Variants in PLCH1 observed in about 807,000 individuals in gnomAD.
The protein encoded by PLCH1 is phospholipase C eta 1, also known as 1-phosphatidylinositol 4,5-bisphosphate phosphodiesterase eta-1.
PLCH1 carries 60 observed loss-of-function variants against 126.7 expected under a neutral mutation model. The observed-to-expected ratio is 0.47, with a 90% confidence interval of 0.38 to 0.59. The LOEUF (loss-of-function observed/expected upper bound fraction) is 0.59, where lower values mean the gene tolerates loss of function less well. PLCH1 is among the 20% of genes least tolerant of loss of function. The pLI is 0.00. For synonymous variants in PLCH1, 719 were observed against 734.9 expected (o/e 0.98, Z 0.35); for missense variants, 1,723 against 2,040.0 (o/e 0.84, Z 2.99).
chr3:155,523,304 C>A (rs1721445096), intron 11 of PLCH1, among the ~76,000 whole-genome samples: 1 of 151,702 alleles, frequency 6.6e-6, no homozygotes, highest in Non-Finnish European at 1.5e-5. Flanking sequence ...AAAGGAGGCT[C>A]CTTCATCTAG....
intron 2 of PLCH1, among the ~76,000 whole-genome samples, chr3:155,698,284 T>A (rs1745987360): frequency 6.6e-6 from 1 of 152,160 alleles, no homozygotes; most frequent in South Asian, 2.1e-4. Flanking sequence ...AAAATATAAA[T>A]AAATAGCATT....
chr3:155,688,791 A>C (rs1196685432), intron 2 of PLCH1, among the ~76,000 whole-genome samples: 1 of 152,232 alleles, frequency 6.6e-6, no homozygotes, highest in East Asian at 1.9e-4. Context: ...GCGGGTGGCC[A>C]CAGAGAAAGG....
intron 2 of PLCH1, among the ~76,000 whole-genome samples, chr3:155,610,566 C>A (rs1734944212): frequency 6.6e-6 from 1 of 151,910 alleles, no homozygotes; most frequent in African/African-American, 2.4e-5. Flanking sequence ...TCTTTGGCCT[C>A]CTCAAACAAG....
intron 11 of PLCH1, among the ~76,000 whole-genome samples, chr3:155,522,385 C>T (rs1447387062): frequency 6.6e-6 from 1 of 152,140 alleles, no homozygotes; most frequent in Non-Finnish European, 1.5e-5. Context: ...GTAACCATAG[C>T]CCTATTAATT....
At chr3:155,460,496 T>TCTCTGAACAA (rs1712670953) in intron 21 of PLCH1, among the ~76,000 whole-genome samples, 1 of 152,158 alleles carries the variant, frequency 6.6e-6, no homozygotes, top group South Asian at 2.1e-4. Context: ...TCTCTGAATG[T>TCTCTGAACAA]CTAATGGGAT....
chr3:155,713,498 T>C (rs1466372938), intron 1 of PLCH1, among the ~76,000 whole-genome samples: 4 of 152,146 alleles, frequency 2.6e-5, no homozygotes, highest in Non-Finnish European at 5.9e-5. Flanking sequence ...AAAAACTGTC[T>C]GAGAGGTGTG....
intron 2 of PLCH1, among the ~76,000 whole-genome samples, chr3:155,626,709 C>A (rs1337935990): frequency 7.7e-6 from 1 of 129,848 alleles, no homozygotes; most frequent in Non-Finnish European, 1.5e-5. Context: ...GCAGAGCTTG[C>A]AGTGAGCCGA....
At chr3:155,496,758 T>C (rs952410316) in intron 15 of PLCH1, among the ~76,000 whole-genome samples, 3 of 152,182 alleles carry the variant, frequency 2.0e-5, no homozygotes, top group East Asian at 3.8e-4. Flanking sequence ...AGGATATGAA[T>C]AGATGTGACT....
At chr3:155,743,182 C>T (rs950169756) in intron 1 of PLCH1, 13 of 431,114 alleles carry the variant, frequency 3.0e-5, no homozygotes, top group East Asian at 7.3e-5. Flanking sequence ...TGTAAACAAA[C>T]GGATTTTAAA....
downstream of PLCH1, among the ~76,000 whole-genome samples, chr3:155,475,330 A>T (rs1713492120): frequency 1.3e-5 from 2 of 152,132 alleles, no homozygotes; most frequent in Non-Finnish European, 2.9e-5. Context: ...CAGCACTCAG[A>T]GGGAAGTCTA....
chr3:155,502,496 T>G (rs887807495), intron 13 of PLCH1, among the ~76,000 whole-genome samples: 38 of 152,226 alleles, frequency 2.5e-4, no homozygotes, highest in African/African-American at 9.2e-4. Flanking sequence ...TAATGACAAG[T>G]TGCAATCCAG....
chr3:155,633,408 A>C (rs1738290316), intron 2 of PLCH1, among the ~76,000 whole-genome samples: 3 of 137,888 alleles, frequency 2.2e-5, no homozygotes, highest in African/African-American at 8.9e-5. Context: ...CTTATTATAT[A>C]ACATCACACA....
chr3:155,526,907 C>T (rs6806216), intron 10 of PLCH1, among the ~76,000 whole-genome samples: 32,741 of 152,154 alleles, frequency 0.22, 4,640 homozygotes, highest in African/African-American at 0.4. Flanking sequence ...ATACCATTTC[C>T]AACACAACTA....
intron 22 of PLCH1, chr3:155,483,274 T>C: frequency 9.5e-7 from 1 of 1,051,308 alleles, no homozygotes; most frequent in South Asian, 1.5e-5. Context: ...GAATATCTAT[T>C]ACATCTGCTA....
At chr3:155,521,178 C>T (rs1000196175) in intron 11 of PLCH1, among the ~76,000 whole-genome samples, 3 of 152,202 alleles carry the variant, frequency 2.0e-5, no homozygotes, top group Non-Finnish European at 2.9e-5. Flanking sequence ...TAAGTGTGCA[C>T]ACATGCACAC....
chr3:155,568,683 G>C (rs1470287754), intron 6 of PLCH1, among the ~76,000 whole-genome samples: 1 of 151,902 alleles, frequency 6.6e-6, no homozygotes, highest in Admixed American at 6.6e-5. Context: ...ACTAAAGTTT[G>C]CTGATCATAA....
intron 2 of PLCH1, among the ~76,000 whole-genome samples, chr3:155,644,972 T>C (rs921675166): frequency 1.3e-5 from 2 of 152,220 alleles, no homozygotes; most frequent in African/African-American, 4.8e-5. Context: ...TGGTGAGATA[T>C]AGCTACTTCA....
intron 1 of PLCH1, among the ~76,000 whole-genome samples, chr3:155,709,891 T>C (rs1480156926): frequency 6.6e-6 from 1 of 152,184 alleles, no homozygotes. Context: ...GTACTGGGAT[T>C]ACAGATGCCA....
At chr3:155,687,225 TTAAAA>T (rs1745020424) in intron 2 of PLCH1, among the ~76,000 whole-genome samples, 1 of 152,180 alleles carries the variant, frequency 6.6e-6, no homozygotes, top group South Asian at 2.1e-4. Context: ...ATGATTAGTA[TTAAAA>T]TAAAAACATC....
Sources: allele counts gnomAD v4.1 joint callset (sites outside exome capture counted in the v4.1 genomes callset), GRCh38; gene constraint gnomAD v4.1.1; transcripts MANE v1.5; gene names NCBI Gene and HGNC (gene_info 2026-07-23, HGNC 2026-07-21).